Variants in ZNF414 observed in about 807,000 individuals in gnomAD.
The protein encoded by ZNF414 is zinc finger protein 414.
A neutral mutation model predicts 38.3 loss-of-function variants in ZNF414; 32 were observed. The ratio of observed to expected loss-of-function variants is 0.83; its 90% CI spans 0.63 to 1.12. The LOEUF is 1.12. Ranked by LOEUF, ZNF414 falls within the 50% of genes most tolerant of loss-of-function variation. The probability of loss-of-function intolerance (pLI) is 0.00; values close to 1 mark genes in which losing one functional copy is unlikely to be tolerated. For synonymous variants in ZNF414, 256 were observed against 248.0 expected, an observed-to-expected ratio of 1.03 and a Z score of -0.30; for missense variants, 589 against 557.4, an observed-to-expected ratio of 1.06 and a Z score of -0.57.
At position 8,513,117 on chromosome 19, in the gene ZNF414, C is replaced by T. The variant is rs1201479935; in HGVS notation, c.228G>A (p.Gln76=). 2.0e-6 allele frequency: 3 copies of T among 1,537,334 alleles called. No individual in the cohort carries two copies. The highest frequency in any genetic ancestry group is 2.1e-5 in the Admixed American group (1 of 48,376). The change falls in exon 2 of 8, where the codon CAG becomes CAA. Residue 76 remains glutamine, a synonymous_variant. Coordinates refer to ENST00000393927, the MANE Select transcript of ZNF414 (RefSeq NM_001146175.2). ...GGCCAGGGCTGGGTCCGGGGCCAGG[C>T]TGGCAGCTGTCTGGGGCTGGGGAGG... The part of the protein sequence containing the change: ...QGSSPAPDSC[Q]PGPGPSPGLT...
At position 8,510,963 on chromosome 19, in the gene ZNF414, C is replaced by G; in HGVS notation, c.987G>C (p.Gln329His). Residue 329 changes from glutamine (Q) to histidine (H), a missense_variant, in exon 7 of 8, where the codon CAG becomes CAC. By Grantham distance (24) the Gln-to-His change is conservative. Coordinates refer to ENST00000393927, the MANE Select transcript of ZNF414 (RefSeq NM_001146175.2). ...EHTRGRYSCM[Q>H]CAFSTASRPA... Reference sequence around the variant, plus strand: ...GCCGCGAGGCCGTGGAGAAGGCGCACTGCATGCACGAGTAGCGGCCGCGTG... The same window carrying G: ...GCCGCGAGGCCGTGGAGAAGGCGCAGTGCATGCACGAGTAGCGGCCGCGTG... 1.6e-6 allele frequency: 2 copies of G among 1,262,662 alleles called. No homozygotes were observed. Among genetic ancestry groups the G allele is most frequent in the Non-Finnish European group, 2.0e-6 (2 of 1,003,116 alleles). 78.2% of individuals were successfully genotyped at this position (1,262,662 alleles called of 1,614,324 possible). A position where few individuals can be genotyped will look rare whatever the true frequency, so the allele number is the denominator to read the frequency against.
intron 1 of ZNF414, 61 bp downstream of exon 1, chr19:8,513,983 G>C (rs569538310): frequency 3.8e-4 from 523 of 1,389,838 alleles, no homozygotes; most frequent in Non-Finnish European, 4.7e-4. Flanking sequence ...AGGCGCGACA[G>C]GGCCGCTCCC....
chr19:8,511,381 C>A (rs1306458555), intron 6 of ZNF414, 105 bp downstream of exon 6: 1 of 1,506,430 alleles, frequency 6.6e-7, no homozygotes, highest in Non-Finnish European at 8.9e-7. Context: ...CATTTGTGCC[C>A]CCTGGGAAGG....
chr19:8,513,040 C>A lies in ZNF414; in HGVS notation c.305G>T (p.Arg102Leu). ...CCATCACAGATCACCTGGAGGTGGG[C>A]GTCGTCTGGGAGGCCGCAGGTCCTC... ...TSEDLRPPRR[R>L]PPPGKQIPCS... Residue 102 changes from arginine (R) to leucine (L), a missense_variant, in exon 2 of 8, where the codon CGC becomes CTC. Arg to Leu is a moderately radical substitution (Grantham distance 102). Transcript: ENST00000393927. 1 of 1,462,658 alleles carries A rather than the reference C, an allele frequency of 6.8e-7. No homozygotes were observed. The highest frequency in any genetic ancestry group is 9.0e-7 in the Non-Finnish European group (1 of 1,109,144). 90.6% of individuals were successfully genotyped at this position (1,462,658 alleles called of 1,614,324 possible). A position where few individuals can be genotyped will look rare whatever the true frequency, so the allele number is the denominator to read the frequency against.
Position 8,510,604 on chromosome 19 carries a change from T to C in ZNF414, c.*87A>G. 7.1e-7 allele frequency: 1 copy of C among 1,415,682 alleles called. No homozygotes were observed. The highest frequency in any genetic ancestry group is 1.3e-5 in the South Asian group (1 of 75,996). 87.7% of individuals were successfully genotyped at this position (1,415,682 alleles called of 1,614,324 possible). Reference sequence around the variant, plus strand: ...AGGCTGGCTCATGGCGCCTTCTTTATTGTCCACCCCAGCCCCCCTTCCCTG... The same window carrying C: ...AGGCTGGCTCATGGCGCCTTCTTTACTGTCCACCCCAGCCCCCCTTCCCTG... On this transcript the variant is annotated 3_prime_UTR_variant, in exon 8 of 8. Coordinates refer to ENST00000393927, the MANE Select transcript of ZNF414 (RefSeq NM_001146175.2).
At chr19:8,511,412 T>G (rs953323021) in intron 6 of ZNF414, 74 bp downstream of exon 6, 1 of 1,563,576 alleles carries the variant, frequency 6.4e-7, no homozygotes, top group Non-Finnish European at 8.7e-7. Flanking sequence ...TGCTGCCTCC[T>G]GGTATCCACC....
Position 8,510,965 on chromosome 19 carries a change from G to A in ZNF414, c.985C>T (p.Gln329Ter). 3 of 1,264,318 alleles carry A rather than the reference G, an allele frequency of 2.4e-6. No individual in the cohort carries two copies. Among genetic ancestry groups the A allele is most frequent in the Non-Finnish European group, 3.0e-6 (3 of 1,004,020 alleles). The allele number at this position is 1,264,318 out of a possible 1,614,324, so 78.3% of individuals were successfully genotyped here. A position where few individuals can be genotyped will look rare whatever the true frequency, so the allele number is the denominator to read the frequency against. The change falls in exon 7 of 8, where the codon CAG (glutamine) becomes TAG (stop). Residue 329 changes from glutamine to a stop codon, truncating the protein, a stop_gained. Coordinates refer to ENST00000393927, the MANE Select transcript of ZNF414 (RefSeq NM_001146175.2). LOFTEE classifies it high-confidence loss of function. ...CGCGAGGCCGTGGAGAAGGCGCACTGCATGCACGAGTAGCGGCCGCGTGTG... is the reference window on the plus strand; with the variant it reads ...CGCGAGGCCGTGGAGAAGGCGCACTACATGCACGAGTAGCGGCCGCGTGTG... ...EHTRGRYSCM[Q>*]CAFSTASRPA...
At chr19:8,512,241 C>T in intron 4 of ZNF414, 146 bp downstream of exon 4, 2 of 1,453,962 alleles carry the variant, frequency 1.4e-6, no homozygotes, top group South Asian at 1.4e-5. Flanking sequence ...CCGCCCCATC[C>T]AGGGAGTTGA....
intron 2 of ZNF414, 59 bp downstream of exon 2, chr19:8,512,970 C>T (rs1420378001): frequency 1.3e-5 from 18 of 1,422,728 alleles, no homozygotes; most frequent in Non-Finnish European, 1.4e-5. Context: ...AGATTCTCTA[C>T]GTCTCGCTTC....
chr19:8,511,805 G>A lies in ZNF414; in HGVS notation c.686C>T (p.Ala229Val), dbSNP rs774145585. Reference sequence around the variant, plus strand: ...CGGGAACGGCAGGCCCGGCGCTGATGCGGGGTCAACCTCCGGGGGGCGCTC... The same window carrying A: ...CGGGAACGGCAGGCCCGGCGCTGATACGGGGTCAACCTCCGGGGGGCGCTC... ...APERPPEVDP[A>V]SAPGLPFPLL... Residue 229 changes from alanine to valine, a missense_variant, in exon 5 of 8, where the codon GCA (alanine) becomes GTA (valine). Physicochemically the swap from Ala to Val is moderately conservative, Grantham distance 64. Coordinates refer to ENST00000393927, the MANE Select transcript of ZNF414 (RefSeq NM_001146175.2). 1.6e-5 allele frequency: 22 copies of A among 1,405,752 alleles called. No individual in the cohort carries two copies. The highest frequency in any genetic ancestry group is 1.9e-5 in the Non-Finnish European group (21 of 1,088,528). The allele number at this position is 1,405,752 out of a possible 1,614,324, so 87.1% of individuals were successfully genotyped here.
intron 1 of ZNF414, 23 bp downstream of exon 1, chr19:8,514,013 GCCGCGCCC>G: frequency 6.9e-7 from 1 of 1,443,842 alleles, no homozygotes; most frequent in Non-Finnish European, 9.1e-7. Flanking sequence ...CCGCAGCTCC[GCCGCGCCC>G]GCGACCCCGG....
chr19:8,512,111 C>T, intron 4 of ZNF414, 151 bp from the exon 5 acceptor site: 1 of 1,424,668 alleles, frequency 7.0e-7, no homozygotes, highest in Non-Finnish European at 9.1e-7. Context: ...GCGACCCTTC[C>T]TGACCACTTC....
chr19:8,513,871 C>A (rs1971953073), intron 1 of ZNF414, among the ~76,000 whole-genome samples, 173 bp downstream of exon 1: 2 of 152,180 alleles, frequency 1.3e-5, no homozygotes, highest in African/African-American at 4.8e-5. Flanking sequence ...GCCTGACGGG[C>A]GTGGTCCATT....
In ZNF414 at chr19:8,513,149, G is replaced by A; in HGVS notation, c.196C>T (p.Gln66Ter). 1 of 1,545,526 alleles carries A rather than the reference G, an allele frequency of 6.5e-7. No homozygotes were observed. The highest frequency in any genetic ancestry group is 1.2e-5 in the South Asian group (1 of 84,434). ...CTGTCTGGGGCTGGGGAGGAGCCCT[G>A]CTGCATCCCTCCAGCCCCTCCACGT... is the stretch of plus-strand genomic sequence containing the variant. The part of the protein sequence containing the change: ...WERGGAGGMQ[Q>*]GSSPAPDSCQ... The change falls in exon 2 of 8, where the codon CAG becomes TAG. Residue 66 changes from glutamine to a stop codon, truncating the protein, a stop_gained. Coordinates refer to ENST00000393927, the MANE Select transcript of ZNF414 (RefSeq NM_001146175.2). LOFTEE classifies it high-confidence loss of function.
At position 8,511,679 on chromosome 19, in the gene ZNF414, G is replaced by A. The variant is rs1481994951; in HGVS notation, c.812C>T (p.Pro271Leu). 1.3e-6 allele frequency: 2 copies of A among 1,496,812 alleles called. No homozygotes were observed. The highest frequency in any genetic ancestry group is 1.8e-6 in the Non-Finnish European group (2 of 1,127,964). 92.7% of individuals were successfully genotyped at this position (1,496,812 alleles called of 1,614,324 possible). The change falls in exon 5 of 8, where the codon CCC becomes CTC. Residue 271 changes from proline (P) to leucine (L), a missense_variant. Physicochemically the swap from Pro to Leu is moderately conservative, Grantham distance 98 (BLOSUM62 -3). Coordinates refer to ENST00000393927, the MANE Select transcript of ZNF414 (RefSeq NM_001146175.2). ...PFGLSPPRLR[P>L]FLAAAPGPPA... is the part of the protein sequence containing the mutation. ...CGGCCCGGGTGCAGCGGCCAGGAAG[G>A]GGCGCAGGCGCGGGGGGCTTAGGCC...
At chr19:8,513,465 T>C (rs1167599966) in intron 1 of ZNF414, 124 bp from the exon 2 acceptor site, 4 of 943,316 alleles carry the variant, frequency 4.2e-6, no homozygotes, top group Non-Finnish European at 6.0e-6. Flanking sequence ...AAGCTCTTTT[T>C]TTCTTTTTAT....
chr19:8,513,839 G>A (rs1971952822), intron 1 of ZNF414, among the ~76,000 whole-genome samples: 1 of 152,222 alleles, frequency 6.6e-6, no homozygotes, highest in African/African-American at 2.4e-5. Flanking sequence ...CCGGATGTAA[G>A]AAGTTTAGGG....
intron 4 of ZNF414, 54 bp from the exon 5 acceptor site, chr19:8,512,014 A>G: frequency 7.2e-7 from 1 of 1,388,458 alleles, no homozygotes; most frequent in Non-Finnish European, 9.3e-7. Context: ...CACCAGGGAG[A>G]GTGTCCTGTG....
Position 8,510,508 on chromosome 19 carries a change from T to G in ZNF414, c.*183A>C. 8.6e-6 allele frequency: 5 copies of G among 584,052 alleles called. No homozygotes were observed. Among genetic ancestry groups the G allele is most frequent in the Admixed American group, 3.5e-5 (1 of 28,868 alleles). The allele number at this position is 584,052 out of a possible 1,614,324, so 36.2% of individuals were successfully genotyped here. A position where few individuals can be genotyped will look rare whatever the true frequency, so the allele number is the denominator to read the frequency against. ...GTGGACCCAGGTGGTCCTCCCAAGATGTGATCAATCCATGACTGCTGGGCT... is the reference window on the plus strand; with the variant it reads ...GTGGACCCAGGTGGTCCTCCCAAGAGGTGATCAATCCATGACTGCTGGGCT... On this transcript the variant is annotated 3_prime_UTR_variant, in exon 8 of 8. Transcript: ENST00000393927.
Sources: gnomAD v4.1 joint callset for allele counts (sites outside exome capture counted in the v4.1 genomes callset) on GRCh38, gnomAD v4.1.1 for gene constraint, MANE v1.5 for transcripts, NCBI Gene and HGNC (gene_info 2026-07-23, HGNC 2026-07-21) for gene names.